ALCAM: variants seen among roughly 807,000 people sequenced by gnomAD.
ALCAM encodes the protein CD166 antigen.
A neutral mutation model predicts 70.9 loss-of-function variants in ALCAM; 30 were observed. The ratio of observed to expected loss-of-function variants is 0.42; its 90% CI spans 0.32 to 0.57. The LOEUF is 0.57. Ranked by LOEUF, ALCAM falls within the 20% of genes least tolerant of loss-of-function variation. The pLI is 0.11. For synonymous variants in ALCAM, 249 were observed against 242.5 expected, an observed-to-expected ratio of 1.03 and a Z score of -0.25; for missense variants, 591 against 695.1, an observed-to-expected ratio of 0.85 and a Z score of 1.68.
intron 1 of ALCAM, among the ~76,000 whole-genome samples, chr3:105,505,995 A>G (rs1183694320): frequency 6.6e-6 from 1 of 152,116 alleles, no homozygotes; most frequent in Non-Finnish European, 1.5e-5. Flanking sequence ...AGCGATTTTT[A>G]TTGATCTTAT....
chr3:105,520,512 C>T (rs1939507682), intron 2 of ALCAM, among the ~76,000 whole-genome samples: 1 of 152,144 alleles, frequency 6.6e-6, no homozygotes, highest in Non-Finnish European at 1.5e-5. Context: ...TTCATTTGTT[C>T]ATGTTCTACT....
rs533311657 is a variant in ALCAM at position 105,541,735 on chromosome 3, A to G, written c.961A>G (p.Met321Val). ...GTGTTCCCTGATAGACAAAAAAAGC[A>G]TGATTGCTTCAACAGCTATCACAGT... The part of the protein sequence containing the change: ...YKCSLIDKKS[M>V]IASTAITVHY... Residue 321 changes from methionine (M) to valine (V), a missense_variant, in exon 8 of 16, where the codon ATG becomes GTG. Around this residue, in one of 2 missense-constraint regions of ALCAM, gnomAD observed 427 missense variants for 450.4 expected, o/e 0.95. Transcript: ENST00000306107. The G allele has an allele frequency of 4.3e-5, 70 of 1,612,328 alleles. 3 individuals are homozygous for G. In the South Asian group the frequency reaches 6.3e-4, roughly 14 times the overall value.
At chr3:105,567,410 C>A (rs1211404260) in intron 14 of ALCAM, among the ~76,000 whole-genome samples, 1 of 152,032 alleles carries the variant, frequency 6.6e-6, no homozygotes, top group African/African-American at 2.4e-5. Context: ...TATCATCTCA[C>A]AGGCCACTGA....
chr3:105,533,447 A>AT (rs1553733216), intron 4 of ALCAM, among the ~76,000 whole-genome samples, 156 bp from the exon 5 acceptor site: 3 of 152,200 alleles, frequency 2.0e-5, no homozygotes, highest in Non-Finnish European at 2.9e-5. Flanking sequence ...CATTGTTTTT[A>AT]TACCAGAGAG....
chr3:105,551,259 A>G (rs766502254), intron 12 of ALCAM, among the ~76,000 whole-genome samples: 20 of 151,716 alleles, frequency 1.3e-4, no homozygotes, highest in Admixed American at 4.6e-4. Flanking sequence ...TCAGAATGCA[A>G]TTCAGTGAGT....
At chr3:105,531,162 CATT>C (rs1026818955) in intron 3 of ALCAM, 2 of 152,080 alleles carry the variant, frequency 1.3e-5, no homozygotes, top group African/African-American at 4.8e-5. Context: ...CAAAATCCAT[CATT>C]GATAGAAAAT....
Position 105,520,056 on chromosome 3 carries a change from T to C in ALCAM, c.74-11T>C, listed in dbSNP as rs200742162. ...CTTTCTCTCTTCTTCCTTTTTTTTT[T>C]TCCCCCAAAGGCCTTGGATGGTATA... On this transcript the variant is annotated splice_polypyrimidine_tract_variant and intron_variant, in intron 1 of 15. Transcript: ENST00000306107. 854 of 1,525,118 alleles carry C rather than the reference T, an allele frequency of 5.6e-4. 3 individuals are homozygous for C. The African/African-American group carries it at 0.011, about 19-fold the overall frequency. 94.5% of individuals were successfully genotyped at this position (1,525,118 alleles called of 1,614,324 possible).
At chr3:105,513,998 G>C (rs920493120) in intron 1 of ALCAM, among the ~76,000 whole-genome samples, 4 of 151,896 alleles carry the variant, frequency 2.6e-5, no homozygotes, top group Non-Finnish European at 5.9e-5. Context: ...TATTGAGGTA[G>C]TTCCTATCTT....
intron 1 of ALCAM, among the ~76,000 whole-genome samples, chr3:105,464,782 T>C (rs1411855058): frequency 6.6e-6 from 1 of 151,444 alleles, no homozygotes; most frequent in African/African-American, 2.4e-5. Flanking sequence ...GAGGAAATAT[T>C]AGTATGCATG....
At chr3:105,409,958 C>T (rs908009606) in intron 1 of ALCAM, among the ~76,000 whole-genome samples, 1 of 152,062 alleles carries the variant, frequency 6.6e-6, no homozygotes, top group Non-Finnish European at 1.5e-5. Context: ...GAGAGAGGTA[C>T]TTTGTTACAA....
chr3:105,387,756 G>A (rs1158857351), intron 1 of ALCAM, among the ~76,000 whole-genome samples: 6 of 151,410 alleles, frequency 4.0e-5, no homozygotes, highest in African/African-American at 7.3e-5. Context: ...GAAGAAAACA[G>A]GAGACCCAGT....
chr3:105,506,296 T>C (rs1241592480), intron 1 of ALCAM, among the ~76,000 whole-genome samples: 1 of 152,052 alleles, frequency 6.6e-6, no homozygotes, highest in Non-Finnish European at 1.5e-5. Context: ...CACAGAGAGG[T>C]AGAATTGTAG....
chr3:105,455,313 G>A (rs1389854943), intron 1 of ALCAM, among the ~76,000 whole-genome samples: 1 of 151,694 alleles, frequency 6.6e-6, no homozygotes, highest in Non-Finnish European at 1.5e-5. Context: ...GTGGTGGCGG[G>A]CGCCTGTGGT....
chr3:105,492,893 A>G (rs1938626728), intron 1 of ALCAM, among the ~76,000 whole-genome samples: 1 of 152,218 alleles, frequency 6.6e-6, no homozygotes, highest in Non-Finnish European at 1.5e-5. Context: ...ACTTTAATAT[A>G]GTTTAGCCAT....
intron 1 of ALCAM, among the ~76,000 whole-genome samples, chr3:105,418,096 T>G (rs1936552308): frequency 6.6e-6 from 1 of 151,888 alleles, no homozygotes; most frequent in Non-Finnish European, 1.5e-5. Context: ...CGTTACATTC[T>G]CATTTCCTCC....
chr3:105,456,634 G>A (rs913592845), intron 1 of ALCAM, among the ~76,000 whole-genome samples: 4 of 152,142 alleles, frequency 2.6e-5, no homozygotes, highest in African/African-American at 7.2e-5. Flanking sequence ...TTCAAGTACA[G>A]AAGGGTGATG....
At chr3:105,416,783 T>C (rs931791710) in intron 1 of ALCAM, among the ~76,000 whole-genome samples, 21 of 152,006 alleles carry the variant, frequency 1.4e-4, no homozygotes, top group African/African-American at 5.1e-4. Context: ...TACTGATAAA[T>C]GTTAATAAAT....
Position 105,529,438 on chromosome 3 carries a change from C to T in ALCAM, c.395-2564C>T, listed in dbSNP as rs1403298019. Among the ~76,000 whole-genome samples the T allele has an allele frequency of 2.0e-5, 3 of 152,160 alleles. No homozygotes were observed. The South Asian group carries it at 6.2e-4, about 32-fold the overall frequency. ...ATTTTGCTAAAATAGTGCATGTCCT[C>T]TTTTATGGTCCTCCAACTAATACTC... On this transcript the variant is annotated intron_variant, in intron 3 of 15. Transcript: ENST00000306107.
intron 1 of ALCAM, among the ~76,000 whole-genome samples, chr3:105,462,401 A>G (rs1279429822): frequency 6.6e-6 from 1 of 151,594 alleles, no homozygotes; most frequent in African/African-American, 2.4e-5. Flanking sequence ...TATATATTTT[A>G]TGTAGCATTT....
Sources: allele counts gnomAD v4.1 joint callset (sites outside exome capture counted in the v4.1 genomes callset), GRCh38; gene constraint gnomAD v4.1.1; regional missense constraint gnomAD v4.1.1; transcripts MANE v1.5; gene names NCBI Gene and HGNC (gene_info 2026-07-23, HGNC 2026-07-21).